Variants in DNAH8 observed in about 807,000 individuals in gnomAD.
DNAH8 encodes the protein axonemal beta dynein heavy chain 8.
In DNAH8, 382 loss-of-function variants were observed where a neutral mutation model predicts 562.1. The observed-to-expected ratio is 0.68, with a 90% CI of 0.63 to 0.74. The LOEUF (loss-of-function observed/expected upper bound fraction) is 0.74. Ranked by LOEUF, DNAH8 falls within the 30% of genes least tolerant of loss-of-function variation. DNAH8 has a pLI of 0.00. For synonymous variants in DNAH8, 1,881 were observed against 1,919.4 expected, an observed-to-expected ratio of 0.98 and a Z score of 0.52; for missense variants, 5,203 against 5,620.4, an observed-to-expected ratio of 0.93 and a Z score of 2.37.
At chr6:38,902,789 T>C (rs1029975765) in intron 62 of DNAH8, among the ~76,000 whole-genome samples, 1 of 152,204 alleles carries the variant, frequency 6.6e-6, no homozygotes, top group African/African-American at 2.4e-5. Flanking sequence ...TAGGACTTAG[T>C]AACTGACCCA....
Position 38,827,732 on chromosome 6 carries a change from ACTTTTTTTTT to A in DNAH8, c.4084-451_4084-442del. The stretch of plus-strand genomic sequence containing the variant: ...CTGCAAAAGCTTAATTCTTTACCAA[ACTTTTTTTTT>A]TTTTTTTTTTTTTTTTTTTTTTTTT... On this transcript the variant is annotated intron_variant, in intron 29 of 92. Transcript: ENST00000327475. 1.6e-4 allele frequency among the ~76,000 whole-genome samples: 4 copies of A among 25,750 alleles called. 1 individual carries two copies. The highest frequency in any genetic ancestry group is 1.5e-3 in the Admixed American group (3 of 1,954). The allele number at this position is 25,750 out of a possible 152,430, so 16.9% of individuals were successfully genotyped here.
intron 88 of DNAH8, among the ~76,000 whole-genome samples, chr6:39,001,571 G>A (rs1047359722): frequency 3.3e-5 from 5 of 152,042 alleles, no homozygotes; most frequent in African/African-American, 9.7e-5. Context: ...GAAATATGAG[G>A]GGAGTCATGG....
chr6:38,945,837 T>A (rs770005883), intron 80 of DNAH8, among the ~76,000 whole-genome samples: 13 of 152,168 alleles, frequency 8.5e-5, no homozygotes, highest in Non-Finnish European at 1.6e-4. Context: ...GTATGCCTGT[T>A]AGAGTTGCTG....
At chr6:38,755,202 A>G (rs930156369) in intron 9 of DNAH8, among the ~76,000 whole-genome samples, 2 of 152,088 alleles carry the variant, frequency 1.3e-5, no homozygotes, top group Admixed American at 6.6e-5. Flanking sequence ...TAATGGTGCA[A>G]TCTTACAATC....
chr6:39,030,010 G>A (rs1767562796), intron 92 of DNAH8, 95 bp from the exon 93 acceptor site: 2 of 941,040 alleles, frequency 2.1e-6, no homozygotes, highest in Non-Finnish European at 3.3e-6. Flanking sequence ...TAAGACTGGT[G>A]TGTGTTTTAT....
intron 28 of DNAH8, 73 bp downstream of exon 28, chr6:38,823,761 T>C: frequency 9.7e-7 from 1 of 1,028,268 alleles, no homozygotes; most frequent in Non-Finnish European, 1.4e-6. Context: ...AGCAAGCAGT[T>C]ATTAAGTTAT....
chr6:38,761,871 A>G (rs994270663), intron 11 of DNAH8, 68 bp downstream of exon 11: 3 of 919,442 alleles, frequency 3.3e-6, no homozygotes, highest in Non-Finnish European at 4.8e-6. Context: ...TACTTTGTTT[A>G]TTCACAAAAT....
chr6:38,847,620 C>T (rs1036308961), intron 36 of DNAH8, among the ~76,000 whole-genome samples: 2 of 151,980 alleles, frequency 1.3e-5, no homozygotes, highest in African/African-American at 4.8e-5. Flanking sequence ...GGCATCAGAC[C>T]GTACCCAGAA....
rs1419046702 is a variant in DNAH8 at position 38,837,207 on chromosome 6, G to GT, written c.4366-734dup. Among the ~76,000 whole-genome samples, 3 of 151,994 alleles carry GT rather than the reference G, an allele frequency of 2.0e-5. No individual in the cohort carries two copies. The East Asian group carries it at 5.8e-4, about 29-fold the overall frequency. On this transcript the variant is annotated intron_variant, in intron 32 of 92. Coordinates refer to ENST00000327475, the MANE Select transcript of DNAH8 (RefSeq NM_001206927.2). ...TCTGGGTCCTGTAAAATATACTAAC[G>GT]TATCTGTCAGATCTGTATTTTTGTC...
At chr6:38,809,219 G>T (rs982603891) in intron 24 of DNAH8, among the ~76,000 whole-genome samples, 4 of 151,314 alleles carry the variant, frequency 2.6e-5, no homozygotes, top group African/African-American at 7.3e-5. Context: ...TGTCAGTTTT[G>T]CCTTATCTTT....
At chr6:38,741,987 T>G in intron 8 of DNAH8, 100 bp downstream of exon 8, 1 of 921,756 alleles carries the variant, frequency 1.1e-6, no homozygotes, top group Non-Finnish European at 1.6e-6. Flanking sequence ...GGAATCGTGT[T>G]TAGAAGTGTT....
chr6:39,027,803 G>A (rs1181696896), intron 92 of DNAH8, among the ~76,000 whole-genome samples: 3 of 152,184 alleles, frequency 2.0e-5, no homozygotes, highest in Non-Finnish European at 4.4e-5. Context: ...TCCAGCCTGG[G>A]TGACAGAGCG....
intron 9 of DNAH8, among the ~76,000 whole-genome samples, chr6:38,753,866 C>T (rs77496734): frequency 0.03 from 4,607 of 152,206 alleles, 224 homozygotes; most frequent in African/African-American, 0.1. Flanking sequence ...TTTCAAGCAT[C>T]ACCTTTTGAA....
At chr6:39,001,492 G>A (rs982455146) in intron 88 of DNAH8, among the ~76,000 whole-genome samples, 3 of 152,012 alleles carry the variant, frequency 2.0e-5, no homozygotes, top group African/African-American at 7.2e-5. Flanking sequence ...AGTTAGGAAT[G>A]AGCTATAATC....
chr6:38,873,523 TC>T, intron 52 of DNAH8, 147 bp downstream of exon 52: 1 of 698,070 alleles, frequency 1.4e-6, no homozygotes, highest in Admixed American at 3.4e-5. Context: ...AATTTTGATT[TC>T]TATTAAAGAT....
rs1769597089 is a variant in DNAH8, at chr6:38,790,291, G to A, written c.2667G>A (p.Val889=). ...VNLMTPKMKK[V]ESVLRQGLTV... is the part of the protein sequence containing the mutation. ...AGTTGTGTTTTTACCGTTTCTAGGT[G>A]GAATCTGTGTTGAGGCAAGGACTCA... Residue 889 remains valine (V), a splice_region_variant and synonymous_variant, in exon 20 of 93, where the codon GTG becomes GTA. Transcript: ENST00000327475. 1 of 1,584,280 alleles carries A rather than the reference G, an allele frequency of 6.3e-7. No homozygotes were observed. Among genetic ancestry groups the A allele is most frequent in the African/African-American group, 1.4e-5 (1 of 74,034 alleles).
intron 82 of DNAH8, among the ~76,000 whole-genome samples, chr6:38,960,971 G>A (rs923433404): frequency 1.4e-4 from 22 of 151,884 alleles, no homozygotes; most frequent in Non-Finnish European, 2.9e-4. Context: ...AAAACATGCG[G>A]TACATATACA....
At chr6:38,847,473 T>G (rs974923817) in intron 36 of DNAH8, among the ~76,000 whole-genome samples, 1 of 152,036 alleles carries the variant, frequency 6.6e-6, no homozygotes, top group Non-Finnish European at 1.5e-5. Flanking sequence ...GGAAACAGCA[T>G]AAACTGAGTA....
intron 92 of DNAH8, among the ~76,000 whole-genome samples, chr6:39,029,494 C>T (rs954676738): frequency 6.6e-6 from 1 of 152,334 alleles, no homozygotes; most frequent in African/African-American, 2.4e-5. Context: ...TGCATCTTAT[C>T]TCCCTGATTT....
Sources: gnomAD v4.1 joint callset for allele counts (sites outside exome capture counted in the v4.1 genomes callset) on GRCh38, gnomAD v4.1.1 for gene constraint, MANE v1.5 for transcripts, NCBI Gene and HGNC (gene_info 2026-07-23, HGNC 2026-07-21) for gene names.